Variants in CLN8 observed in about 807,000 individuals in gnomAD.
CLN8 encodes the protein CLN8 transmembrane ER and ERGIC protein, also known as protein CLN8.
CLN8 carries 14 observed loss-of-function variants against 15.7 expected under a neutral mutation model. The observed-to-expected ratio is 0.89, with a 90% CI of 0.59 to 1.39. The LOEUF is 1.39. Ranked by LOEUF, CLN8 falls within the 40% of genes most tolerant of loss-of-function variation. CLN8 has a pLI of 0.00. For synonymous variants in CLN8, 188 were observed against 151.0 expected, an observed-to-expected ratio of 1.25 and a Z score of -1.80; for missense variants, 415 against 364.0, an observed-to-expected ratio of 1.14 and a Z score of -1.14.
chr8:1,761,188 A>C (rs1800788198), upstream of CLN8, among the ~76,000 whole-genome samples: 1 of 151,206 alleles, frequency 6.6e-6, no homozygotes, highest in South Asian at 2.1e-4. Flanking sequence ...AATCAGGTTC[A>C]TGTTGCCTAC....
intron 2 of CLN8, among the ~76,000 whole-genome samples, chr8:1,778,466 T>C (rs1027366379): frequency 6.6e-6 from 1 of 152,240 alleles, no homozygotes; most frequent in African/African-American, 2.4e-5. Context: ...CAGGCTTGTT[T>C]TGGATCCTGC....
At chr8:1,755,241 A>C (rs1800641099), upstream of CLN8, among the ~76,000 whole-genome samples, 1 of 152,182 alleles carries the variant, frequency 6.6e-6, no homozygotes. Context: ...AGACTAACAG[A>C]TGGGTTAGTC....
chr8:1,774,688 G>T (rs906854808), intron 2 of CLN8, among the ~76,000 whole-genome samples: 2 of 152,148 alleles, frequency 1.3e-5, no homozygotes, highest in African/African-American at 4.8e-5. Context: ...TAATACAAAT[G>T]AGGTGATATA....
Position 1,771,230 on chromosome 8 carries a change from G to C in CLN8, c.176G>C (p.Arg59Thr), listed in dbSNP as rs796052364. 2.5e-6 allele frequency: 4 copies of C among 1,613,886 alleles called. No individual in the cohort carries two copies. The highest frequency in any genetic ancestry group is 3.4e-6 in the Non-Finnish European group (4 of 1,179,820). Residue 59 changes from arginine to threonine, a missense_variant, in exon 2 of 3, where the codon AGA becomes ACA. Physicochemically the swap from Arg to Thr is moderately conservative, Grantham distance 71. Coordinates refer to ENST00000331222, the MANE Select transcript of CLN8 (RefSeq NM_018941.4). The part of the protein sequence containing the change: ...LNATYRSLVA[R>T]EKVFWDLAAT... ...GCCACTTACCGTTCTTTGGTGGCCA[G>C]AGAGAAGGTCTTCTGGGACCTGGCG... is the stretch of plus-strand genomic sequence containing the variant.
intron 1 of CLN8, among the ~76,000 whole-genome samples, chr8:1,765,714 G>A (rs555243401): frequency 6.6e-6 from 1 of 152,230 alleles, no homozygotes; most frequent in Admixed American, 6.5e-5. Flanking sequence ...TAGATAATAA[G>A]ATTGGTGAAT....
upstream of CLN8, chr8:1,759,942 ACTC>A (rs1361417885): frequency 2.0e-5 from 3 of 152,040 alleles, no homozygotes; most frequent in Non-Finnish European, 4.4e-5. Flanking sequence ...GCAGAAGAGA[ACTC>A]CTCCCATCCC....
At chr8:1,767,409 G>C (rs1323188501) in intron 1 of CLN8, among the ~76,000 whole-genome samples, 1 of 152,020 alleles carries the variant, frequency 6.6e-6, no homozygotes, top group African/African-American at 2.4e-5. Context: ...TCACCTATCT[G>C]CCACTTTTCT....
At chr8:1,767,983 C>T (rs947189889) in intron 1 of CLN8, among the ~76,000 whole-genome samples, 1 of 151,410 alleles carries the variant, frequency 6.6e-6, no homozygotes, top group African/African-American at 2.4e-5. Flanking sequence ...TGCTCTGTTG[C>T]CCAGGTTGAA....
At chr8:1,770,027 A>G (rs1801235887) in intron 1 of CLN8, among the ~76,000 whole-genome samples, 1 of 152,222 alleles carries the variant, frequency 6.6e-6, no homozygotes, top group African/African-American at 2.4e-5. Flanking sequence ...AAGTCATTAC[A>G]CTGGGATACA....
intron 1 of CLN8, among the ~76,000 whole-genome samples, chr8:1,768,989 G>C (rs1380096292): frequency 6.6e-6 from 1 of 152,220 alleles, no homozygotes; most frequent in East Asian, 1.9e-4. Flanking sequence ...ATCTATCAGA[G>C]AGCACGCCTG....
intron 2 of CLN8, among the ~76,000 whole-genome samples, chr8:1,772,545 G>A (rs746269132): frequency 2.6e-5 from 4 of 152,084 alleles, no homozygotes; most frequent in South Asian, 2.1e-4. Context: ...TGCAACCTCC[G>A]CCACCCGGAT....
intron 2 of CLN8, among the ~76,000 whole-genome samples, chr8:1,771,929 A>ATTTATT (rs1801323260): frequency 1.4e-5 from 2 of 148,058 alleles, no homozygotes; most frequent in African/African-American, 2.5e-5. Context: ...TTTTAATACT[A>ATTTATT]TATTTATTTA....
chr8:1,767,420 G>A (rs934479285), intron 1 of CLN8, among the ~76,000 whole-genome samples: 56 of 152,210 alleles, frequency 3.7e-4, no homozygotes, highest in African/African-American at 1.3e-3. Context: ...CCACTTTTCT[G>A]TAGATATGGT....
upstream of CLN8, chr8:1,755,727 A>G (rs1389426854): frequency 6.6e-6 from 1 of 152,246 alleles, no homozygotes; most frequent in Admixed American, 6.5e-5. Context: ...CAGCAGAGAC[A>G]ACATCCTGTT....
At chr8:1,760,150 T>C (rs1301602218), upstream of CLN8, 6 of 152,186 alleles carry the variant, frequency 3.9e-5, no homozygotes, top group African/African-American at 1.4e-4. Flanking sequence ...TGTGTGGAGG[T>C]GCACACATTG....
Position 1,782,567 on chromosome 8 carries a change from T to G in CLN8, c.*2000T>G, listed in dbSNP as rs1801735071. ...CACATCCAGCAAATGGTGTCCCTGC[T>G]GAAACTTTTAACTGGAAACCTCACA... On this transcript the variant is annotated 3_prime_UTR_variant, in exon 3 of 3. Coordinates refer to ENST00000331222, the MANE Select transcript of CLN8 (RefSeq NM_018941.4). 1 of 152,216 alleles carries G rather than the reference T, an allele frequency of 6.6e-6. No individual in the cohort carries two copies. The highest frequency in any genetic ancestry group is 2.4e-5 in the African/African-American group (1 of 41,450). The allele number at this position is 152,216 out of a possible 1,614,324, so 9.4% of individuals were successfully genotyped here.
intron 2 of CLN8, among the ~76,000 whole-genome samples, chr8:1,775,532 C>G (rs910882427): frequency 1.3e-5 from 2 of 152,198 alleles, no homozygotes; most frequent in African/African-American, 4.8e-5. Context: ...CTTCGGTTCT[C>G]AAGCTTTGAG....
In CLN8 at chr8:1,780,481, A is replaced by G. The variant is rs1044299834; in HGVS notation, c.775A>G (p.Asn259Asp). Residue 259 changes from asparagine (N) to aspartate (D), a missense_variant, in exon 3 of 3, where the codon AAT becomes GAT. By Grantham distance (23) the Asn-to-Asp change is conservative (BLOSUM62 1). Transcript: ENST00000331222. The stretch of plus-strand genomic sequence containing the variant: ...CCATAAGAAGACTCAGCAGCTTCTC[A>G]ATCCGGTGGACTGGAACTTCGCACA... The part of the protein sequence containing the change: ...WTHKKTQQLL[N>D]PVDWNFAQPE... 3.7e-6 allele frequency: 6 copies of G among 1,614,090 alleles called. No homozygotes were observed. Among genetic ancestry groups the G allele is most frequent in the Non-Finnish European group, 5.1e-6 (6 of 1,180,052 alleles).
chr8:1,770,724 C>T (rs367583658), intron 1 of CLN8, among the ~76,000 whole-genome samples: 2 of 152,172 alleles, frequency 1.3e-5, no homozygotes, highest in African/African-American at 4.8e-5. Flanking sequence ...GCCTCCTGTT[C>T]GTGGCTGGAC....
Sources: gnomAD v4.1 joint callset for allele counts (sites outside exome capture counted in the v4.1 genomes callset) on GRCh38, gnomAD v4.1.1 for gene constraint, MANE v1.5 for transcripts, NCBI Gene and HGNC (gene_info 2026-07-23, HGNC 2026-07-21) for gene names.